Variants in NINJ2 observed in about 807,000 individuals in gnomAD.
NINJ2 encodes ninjurin-2.
In NINJ2, 12 loss-of-function variants were observed where a neutral mutation model predicts 11.7. The observed-to-expected ratio is 1.02, with a 90% CI of 0.66 to 1.66. NINJ2 has a LOEUF of 1.66. Among genes scored for constraint, NINJ2 ranks in the 40% most tolerant of loss-of-function variants. The pLI, the probability that NINJ2 is intolerant of heterozygous loss-of-function variation, is 0.00. For missense variants in NINJ2, 187 were observed against 181.8 expected (o/e 1.03, Z -0.16); for synonymous variants, 93 against 76.8 (o/e 1.21, Z -1.10).
intron 1 of NINJ2, among the ~76,000 whole-genome samples, chr12:648,174 A>G (rs1031584770): frequency 6.6e-6 from 1 of 152,164 alleles, no homozygotes; most frequent in Non-Finnish European, 1.5e-5. Flanking sequence ...CCTGAGTTCA[A>G]GCGATTCTCC....
At chr12:637,311 T>G (rs534789398) in intron 1 of NINJ2, among the ~76,000 whole-genome samples, 1 of 151,756 alleles carries the variant, frequency 6.6e-6, no homozygotes, top group Non-Finnish European at 1.5e-5. Context: ...ATTGTGCCAC[T>G]GCACTCCAGC....
intron 1 of NINJ2, among the ~76,000 whole-genome samples, chr12:602,252 A>G (rs1947883280): frequency 6.6e-6 from 1 of 152,152 alleles, no homozygotes; most frequent in Non-Finnish European, 1.5e-5. Flanking sequence ...ATCACAATCC[A>G]TTCTAGAACA....
intron 1 of NINJ2, chr12:643,585 G>C: frequency 4.0e-6 from 4 of 988,090 alleles, no homozygotes; most frequent in Non-Finnish European, 4.8e-6. Context: ...TGAGGAAACC[G>C]AGGCTCGGAG....
Position 566,015 on chromosome 12 carries a change from A to G in NINJ2, c.197T>C (p.Leu66Pro), listed in dbSNP as rs1947295112. ...QGPSSHYYTT[L>P]VTLISLSLLL... ...CAGAGAGAGGCTGATGAGGGTGACC[A>G]GGGTGGTGTAGTAGTGAGAGGATGG... Residue 66 changes from leucine to proline, a missense_variant, in exon 2 of 4, where the codon CTG (leucine) becomes CCG (proline). Transcript: ENST00000305108. 1.9e-6 allele frequency: 3 copies of G among 1,614,216 alleles called. No individual in the cohort carries two copies. Among genetic ancestry groups the G allele is most frequent in the East Asian group, 4.5e-5 (2 of 44,880 alleles).
chr12:589,907 G>A lies in NINJ2; in HGVS notation c.34-23729C>T, dbSNP rs571757902. Among the ~76,000 whole-genome samples, 266 of 152,212 alleles carry A rather than the reference G, an allele frequency of 1.7e-3. 1 individual carries two copies. The highest frequency in any genetic ancestry group is 0.01 in the Middle Eastern group (3 of 294). On this transcript the variant is annotated intron_variant, in intron 1 of 3. Coordinates refer to ENST00000305108, the MANE Select transcript of NINJ2 (RefSeq NM_016533.6). ...AGGCAGATGGGCTGCTGTGGCAGCC[G>A]TCTCAGAGAGGGCGGGGTCTCCCTG... is the stretch of plus-strand genomic sequence containing the variant.
intron 1 of NINJ2, among the ~76,000 whole-genome samples, chr12:627,955 A>G (rs1400734184): frequency 6.6e-6 from 1 of 152,156 alleles, no homozygotes; most frequent in Non-Finnish European, 1.5e-5. Context: ...AAAAAGTCTC[A>G]ATCAGCTAGG....
At chr12:609,789 A>AAAAAAAAAAAAGAG (rs71439346) in intron 1 of NINJ2, among the ~76,000 whole-genome samples, 9 of 116,628 alleles carry the variant, frequency 7.7e-5, no homozygotes, top group Admixed American at 1.9e-4. Flanking sequence ...AAAAAAAAAT[A>AAAAAAAAAAAAGAG]GGGAAAACAA....
At chr12:655,075 A>G (rs149594003) in intron 1 of NINJ2, among the ~76,000 whole-genome samples, 1,561 of 152,302 alleles carry the variant, frequency 0.01, 11 homozygotes, top group Non-Finnish European at 0.015. Flanking sequence ...CCTCAATTTG[A>G]TAAAGAATAT....
At chr12:611,225 C>CTT (rs879413523) in intron 1 of NINJ2, among the ~76,000 whole-genome samples, 2 of 142,162 alleles carry the variant, frequency 1.4e-5, no homozygotes, top group Admixed American at 7.2e-5. Flanking sequence ...TTCTTTCTTT[C>CTT]TTTTTCTTTC....
intron 1 of NINJ2, among the ~76,000 whole-genome samples, chr12:615,113 C>T (rs10849347): frequency 0.27 from 40,410 of 152,074 alleles, 5,428 homozygotes; most frequent in East Asian, 0.31. Flanking sequence ...AAATAATAAC[C>T]TACAGTCATC....
At chr12:599,798 A>G (rs1414529686) in intron 1 of NINJ2, among the ~76,000 whole-genome samples, 1 of 151,946 alleles carries the variant, frequency 6.6e-6, no homozygotes, top group Admixed American at 6.6e-5. Flanking sequence ...TTGGACCTGC[A>G]CCCCAGCACG....
chr12:597,767 A>G (rs76037790), intron 1 of NINJ2, among the ~76,000 whole-genome samples: 8,912 of 152,334 alleles, frequency 0.059, 263 homozygotes, highest in African/African-American at 0.068. Context: ...ACCATTAACA[A>G]TGAACACCAA....
intron 1 of NINJ2, among the ~76,000 whole-genome samples, chr12:646,294 C>T (rs1165002276): frequency 6.6e-6 from 1 of 152,170 alleles, no homozygotes; most frequent in Non-Finnish European, 1.5e-5. Flanking sequence ...TTTACAGGAG[C>T]GTCCACCTCT....
At chr12:567,051 G>C (rs917197668) in intron 1 of NINJ2, among the ~76,000 whole-genome samples, 2 of 152,238 alleles carry the variant, frequency 1.3e-5, no homozygotes, top group Non-Finnish European at 2.9e-5. Context: ...GCCAGGAAGG[G>C]CTAGAAGCAG....
At chr12:569,919 T>C (rs1947353780) in intron 1 of NINJ2, among the ~76,000 whole-genome samples, 3 of 152,018 alleles carry the variant, frequency 2.0e-5, no homozygotes, top group South Asian at 2.1e-4. Flanking sequence ...TGCTCCAGAG[T>C]GTCCACACGG....
Position 628,480 on chromosome 12 carries a change from C to G in NINJ2, c.33+34848G>C, listed in dbSNP as rs1191947027. 6.6e-6 allele frequency among the ~76,000 whole-genome samples: 1 copy of G among 152,206 alleles called. No homozygotes were observed. Among genetic ancestry groups the G allele is most frequent in the Non-Finnish European group, 1.5e-5 (1 of 68,030 alleles). On this transcript the variant is annotated intron_variant, in intron 1 of 3. Transcript: ENST00000305108. The surrounding 1 kb of genome is among the most constrained non-coding windows in gnomAD (Gnocchi z 4.4). ...AACATAACAGTTAATAGCATTTCCT[C>G]ATTTTACAGACAGGGAAAGCAAAAA... is the stretch of plus-strand genomic sequence containing the variant.
chr12:586,698 G>A (rs4980944), intron 1 of NINJ2, among the ~76,000 whole-genome samples: 40,550 of 152,140 alleles, frequency 0.27, 5,726 homozygotes, highest in South Asian at 0.37. Flanking sequence ...ACCTCTCCAA[G>A]GCAACAGAAC....
At chr12:622,209 C>G (rs1333494004) in intron 1 of NINJ2, among the ~76,000 whole-genome samples, 1 of 150,100 alleles carries the variant, frequency 6.7e-6, no homozygotes, top group Non-Finnish European at 1.5e-5. Flanking sequence ...ATCATGAGGT[C>G]AGGAGATCGA....
intron 2 of NINJ2, chr12:565,696 A>C (rs1947287427): frequency 3.2e-6 from 2 of 617,144 alleles, no homozygotes; most frequent in Non-Finnish European, 5.8e-6. Flanking sequence ...GCAGTTAGCG[A>C]GGTGCTGGCG....
Sources: gnomAD v4.1 joint callset for allele counts (sites outside exome capture counted in the v4.1 genomes callset) on GRCh38, gnomAD v4.1.1 for gene constraint, Gnocchi (gnomAD v3.1) non-coding constraint, MANE v1.5 for transcripts, NCBI Gene and HGNC (gene_info 2026-07-23, HGNC 2026-07-21) for gene names.